SLC5A12: variants seen among roughly 807,000 people sequenced by gnomAD.
SLC5A12 encodes the protein sodium-coupled monocarboxylate transporter 2.
In SLC5A12, 46 loss-of-function variants were observed where a neutral mutation model predicts 72.7. The observed-to-expected ratio is 0.63, with a 90% CI of 0.50 to 0.81. The LOEUF is 0.81. Among genes scored for constraint, SLC5A12 ranks in the 30% least tolerant of loss-of-function variants. SLC5A12 has a pLI of 0.00. For missense variants in SLC5A12, 683 were observed against 740.7 expected, an observed-to-expected ratio of 0.92 and a Z score of 0.90; for synonymous variants, 275 against 264.4, an observed-to-expected ratio of 1.04 and a Z score of -0.39.
chr11:26,687,387 T>C (rs1590716768), intron 9 of SLC5A12, among the ~76,000 whole-genome samples: 1 of 152,284 alleles, frequency 6.6e-6, no homozygotes, highest in Middle Eastern at 3.4e-3. Context: ...AAGAAAACTA[T>C]TGTGTTGATT....
intron 6 of SLC5A12, among the ~76,000 whole-genome samples, chr11:26,701,111 C>A (rs1259641694): frequency 1.3e-5 from 2 of 152,002 alleles, no homozygotes; most frequent in African/African-American, 4.8e-5. Flanking sequence ...CCCCTGAGTG[C>A]CCTCAAGGCT....
intron 9 of SLC5A12, among the ~76,000 whole-genome samples, chr11:26,687,301 T>C (rs1321014080): frequency 1.3e-5 from 2 of 152,104 alleles, no homozygotes; most frequent in Non-Finnish European, 2.9e-5. Context: ...TAATAACACA[T>C]AAACAAAACA....
chr11:26,712,428 A>G (rs1381905273), intron 2 of SLC5A12, among the ~76,000 whole-genome samples: 3 of 152,122 alleles, frequency 2.0e-5, no homozygotes, highest in African/African-American at 7.2e-5. Context: ...TGGGTGGCTT[A>G]TACACACACA....
chr11:26,694,347 C>T (rs1398953886), intron 8 of SLC5A12, among the ~76,000 whole-genome samples: 1 of 152,102 alleles, frequency 6.6e-6, no homozygotes, highest in East Asian at 1.9e-4. Flanking sequence ...ATAAAGGAAT[C>T]AACCATTCTT....
intron 6 of SLC5A12, among the ~76,000 whole-genome samples, chr11:26,702,372 A>G (rs1391357289): frequency 1.3e-5 from 2 of 152,190 alleles, no homozygotes; most frequent in Non-Finnish European, 2.9e-5. Context: ...GTTTCCAGGC[A>G]ATTTTATATT....
At chr11:26,711,420 A>G (rs1195677080) in intron 2 of SLC5A12, 62 bp from the exon 3 acceptor site, 11 of 1,318,854 alleles carry the variant, frequency 8.3e-6, no homozygotes, top group South Asian at 1.2e-5. Context: ...AAAACTGCCT[A>G]GAAAGTTCTT....
chr11:26,707,454 A>T (rs918129702), intron 4 of SLC5A12, among the ~76,000 whole-genome samples: 2 of 151,924 alleles, frequency 1.3e-5, no homozygotes, highest in Admixed American at 6.6e-5. Context: ...CATGAATTAG[A>T]CCTTCTTATT....
At chr11:26,683,249 A>G (rs1036622398) in intron 11 of SLC5A12, among the ~76,000 whole-genome samples, 1 of 152,202 alleles carries the variant, frequency 6.6e-6, no homozygotes, top group Non-Finnish European at 1.5e-5. Flanking sequence ...TTACTTGAAG[A>G]CATACTATTA....
chr11:26,671,195 G>T lies in SLC5A12; in HGVS notation c.1764C>A (p.Asn588Lys). 1 of 1,610,884 alleles carries T rather than the reference G, an allele frequency of 6.2e-7. No individual in the cohort carries two copies. Among genetic ancestry groups the T allele is most frequent in the Non-Finnish European group, 8.5e-7 (1 of 1,178,442 alleles). Residue 588 changes from asparagine to lysine, a missense_variant, in exon 15 of 15, where the codon AAC becomes AAA. Coordinates refer to ENST00000396005, the MANE Select transcript of SLC5A12 (RefSeq NM_178498.4). ...GTACCAGGCTTTCTCTTCTGAGTCCGTTCTGTAAGACAGATTCAGCCCCCT... is the reference window on the plus strand; with the variant it reads ...GTACCAGGCTTTCTCTTCTGAGTCCTTTCTGTAAGACAGATTCAGCCCCCT... Reference protein sequence around the residue: ...RKQGAESVLQNGLRRESLVHV... With the variant: ...RKQGAESVLQKGLRRESLVHV...
chr11:26,714,029 G>C (rs1304259547), intron 1 of SLC5A12, among the ~76,000 whole-genome samples: 1 of 151,614 alleles, frequency 6.6e-6, no homozygotes, highest in African/African-American at 2.4e-5. Context: ...TTTATATAGA[G>C]CCTCTCTGGA....
At chr11:26,678,484 A>T (rs916839185) in intron 13 of SLC5A12, among the ~76,000 whole-genome samples, 1 of 152,004 alleles carries the variant, frequency 6.6e-6, no homozygotes, top group African/African-American at 2.4e-5. Flanking sequence ...GGTTCAAGCG[A>T]TTCTCCTGCC....
At chr11:26,712,429 T>TAC (rs1855251113) in intron 2 of SLC5A12, among the ~76,000 whole-genome samples, 1 of 152,078 alleles carries the variant, frequency 6.6e-6, no homozygotes, top group South Asian at 2.1e-4. Flanking sequence ...GGGTGGCTTA[T>TAC]ACACACACAC....
chr11:26,671,047 T>TGGTGTGTGTGTG lies in SLC5A12; in HGVS notation c.*54_*55insCACACACACACC. On this transcript the variant is annotated 3_prime_UTR_variant, in exon 15 of 15. Transcript: ENST00000396005. ...CAAGTAGGCAAGAAGTATGTGGAGTTTGTGTGTGTGTGTGTGTATTGCACG... is the reference window on the plus strand; with the variant it reads ...CAAGTAGGCAAGAAGTATGTGGAGTTGGTGTGTGTGTGTGTGTGTGTGTGTGTGTATTGCACG... 7.4e-7 allele frequency: 1 copy of TGGTGTGTGTGTG among 1,354,116 alleles called. No homozygotes were observed. 83.9% of individuals were successfully genotyped at this position (1,354,116 alleles called of 1,614,324 possible).
intron 13 of SLC5A12, among the ~76,000 whole-genome samples, chr11:26,678,354 G>C (rs1565184469): frequency 6.6e-6 from 1 of 151,902 alleles, no homozygotes; most frequent in Non-Finnish European, 1.5e-5. Flanking sequence ...GGAAATGTTT[G>C]AATATATGTT....
chr11:26,678,628 A>C (rs1854319752), intron 13 of SLC5A12, 84 bp downstream of exon 13: 1 of 994,730 alleles, frequency 1.0e-6, no homozygotes. Context: ...CGTGAATTCA[A>C]AGCAATAAGA....
intron 4 of SLC5A12, among the ~76,000 whole-genome samples, chr11:26,706,603 T>C (rs1855095066): frequency 6.6e-6 from 1 of 152,022 alleles, no homozygotes; most frequent in Middle Eastern, 3.4e-3. Context: ...TTTTCTTAAC[T>C]TTGACTATTT....
chr11:26,679,547 T>C (rs11029672), intron 12 of SLC5A12, among the ~76,000 whole-genome samples: 61,716 of 151,878 alleles, frequency 0.41, 13,216 homozygotes, highest in South Asian at 0.57. Flanking sequence ...AAATGAACTT[T>C]ATGGAGGAAT....
intron 6 of SLC5A12, 90 bp from the exon 7 acceptor site, chr11:26,698,625 T>C: frequency 8.0e-7 from 1 of 1,243,858 alleles, no homozygotes; most frequent in East Asian, 2.5e-5. Context: ...TAAAGGGTTT[T>C]GGGTCTTTTT....
In SLC5A12 at chr11:26,680,394, C is replaced by CATATATATATGTATATATATTCAT. The variant is rs1565185818; in HGVS notation, c.1475+660_1475+661insATGAATATATATACATATATATAT. 2.3e-3 allele frequency among the ~76,000 whole-genome samples: 177 copies of CATATATATATGTATATATATTCAT among 75,844 alleles called. 2 individuals carry two copies. The highest frequency in any genetic ancestry group is 5.2e-3 in the African/African-American group (124 of 24,068). 49.8% of individuals were successfully genotyped at this position (75,844 alleles called of 152,430 possible). ...ATTCATATATATATGTATATATATT[C>CATATATATATGTATATATATTCAT]ATATATATATATATATTTCCTCATT... is the stretch of plus-strand genomic sequence containing the variant. On this transcript the variant is annotated intron_variant, in intron 12 of 14. Coordinates refer to ENST00000396005, the MANE Select transcript of SLC5A12 (RefSeq NM_178498.4).
Sources: allele counts gnomAD v4.1 joint callset (sites outside exome capture counted in the v4.1 genomes callset), GRCh38; gene constraint gnomAD v4.1.1; transcripts MANE v1.5; gene names NCBI Gene and HGNC (gene_info 2026-07-23, HGNC 2026-07-21).